The following TSPAN9 variants were observed in gnomAD, a reference collection of about 807,000 sequenced individuals.
TSPAN9 encodes tetraspanin 9.
In TSPAN9, 16 loss-of-function variants were observed where a neutral mutation model predicts 31.0. The ratio of observed to expected loss-of-function variants is 0.52; its 90% confidence interval spans 0.35 to 0.78. The LOEUF (loss-of-function observed/expected upper bound fraction) is 0.78. Ranked by LOEUF, TSPAN9 falls within the 30% of genes least tolerant of loss-of-function variation. The probability of loss-of-function intolerance (pLI) is 0.01; values close to 1 mark genes in which losing one functional copy is unlikely to be tolerated. For synonymous variants in TSPAN9, 145 were observed against 121.6 expected, an observed-to-expected ratio of 1.19 and a Z score of -1.27; for missense variants, 272 against 312.5, an observed-to-expected ratio of 0.87 and a Z score of 0.98.
intron 2 of TSPAN9, among the ~76,000 whole-genome samples, chr12:3,135,880 G>A (rs1445358362): frequency 6.6e-6 from 1 of 152,248 alleles, no homozygotes; most frequent in African/African-American, 2.4e-5. Context: ...TCTCAGCTCA[G>A]GTAGTCCCAG....
chr12:3,282,913 A>C (rs1191679567), intron 8 of TSPAN9, 132 bp from the exon 9 acceptor site: 1 of 790,682 alleles, frequency 1.3e-6, no homozygotes, highest in Non-Finnish European at 2.1e-6. Flanking sequence ...TCATTCCATA[A>C]GCATTTTCCT....
intron 3 of TSPAN9, chr12:3,215,425 G>A (rs1255743798): frequency 6.6e-6 from 1 of 152,212 alleles, no homozygotes. Flanking sequence ...GGGCTGCAAT[G>A]GGATGGTGAT....
chr12:3,241,115 T>C (rs371925638), intron 3 of TSPAN9, among the ~76,000 whole-genome samples: 13 of 152,342 alleles, frequency 8.5e-5, no homozygotes, highest in African/African-American at 2.4e-4. Context: ...GGCCCGTAAC[T>C]GCAGCTCTAA....
Position 3,148,909 on chromosome 12 carries a change from C to G in TSPAN9, c.-17-52268C>G, listed in dbSNP as rs554728344. Among the ~76,000 whole-genome samples, 3 of 152,140 alleles carry G rather than the reference C, an allele frequency of 2.0e-5. No individual in the cohort carries two copies. In the East Asian group the frequency reaches 5.8e-4, roughly 29 times the overall value. On this transcript the variant is annotated intron_variant, in intron 2 of 8. Transcript: ENST00000011898. Reference sequence around the variant, plus strand: ...GGGATGAGGAGAAGAGGGGGCCTCTCGGGCGTGCCTGGCCGAGGTAACTTT... The same window carrying G: ...GGGATGAGGAGAAGAGGGGGCCTCTGGGGCGTGCCTGGCCGAGGTAACTTT...
At chr12:3,193,059 CTG>C (rs1386679026) in intron 2 of TSPAN9, among the ~76,000 whole-genome samples, 2 of 152,120 alleles carry the variant, frequency 1.3e-5, no homozygotes, top group African/African-American at 2.4e-5. Context: ...GCTGAAGAAA[CTG>C]AGATATGGAG....
intron 3 of TSPAN9, among the ~76,000 whole-genome samples, chr12:3,244,584 C>T (rs1486865161): frequency 6.6e-6 from 1 of 152,200 alleles, no homozygotes; most frequent in African/African-American, 2.4e-5. Context: ...TCTCGAGCCA[C>T]CTCACGCCCC....
At chr12:3,213,136 A>G (rs2098379625) in intron 3 of TSPAN9, among the ~76,000 whole-genome samples, 1 of 152,218 alleles carries the variant, frequency 6.6e-6, no homozygotes, top group South Asian at 2.1e-4. Context: ...ACTTTGGATC[A>G]TGCGGGGAAG....
Position 3,238,486 on chromosome 12 carries a change from G to T in TSPAN9, c.63+37230G>T, listed in dbSNP as rs974266240. ...GAATGTCATTGAGTTTATTAGGTCC[G>T]GCTCCTTCTCCTTTGCTAGCTAGGA... On this transcript the variant is annotated intron_variant, in intron 3 of 8. Transcript: ENST00000011898. Among the ~76,000 whole-genome samples, 3 of 152,214 alleles carry T rather than the reference G, an allele frequency of 2.0e-5. No individual in the cohort carries two copies. The East Asian group carries it at 5.8e-4, about 29-fold the overall frequency.
intron 3 of TSPAN9, among the ~76,000 whole-genome samples, chr12:3,231,065 C>T (rs540181528): frequency 3.3e-5 from 5 of 152,250 alleles, no homozygotes; most frequent in South Asian, 2.1e-4. Context: ...GGTGCTTAGT[C>T]GAGAGAGTGC....
intron 2 of TSPAN9, among the ~76,000 whole-genome samples, chr12:3,091,044 A>T (rs1418443129): frequency 6.6e-6 from 1 of 152,148 alleles, no homozygotes; most frequent in Non-Finnish European, 1.5e-5. Flanking sequence ...TAGAAGTCAA[A>T]CCTTCCTGCC....
chr12:3,129,456 G>A (rs1331130874), intron 2 of TSPAN9, among the ~76,000 whole-genome samples: 1 of 152,216 alleles, frequency 6.6e-6, no homozygotes, highest in Admixed American at 6.5e-5. Flanking sequence ...CCTCCTGAGA[G>A]TCTGTTTCAG....
intron 3 of TSPAN9, among the ~76,000 whole-genome samples, chr12:3,233,382 G>A (rs556357568): frequency 9.9e-5 from 15 of 152,284 alleles, no homozygotes; most frequent in African/African-American, 2.9e-4. Flanking sequence ...GCCCTGCTCC[G>A]TCCCTGTCCC....
At chr12:3,190,376 C>G (rs1381656634) in intron 2 of TSPAN9, among the ~76,000 whole-genome samples, 1 of 152,244 alleles carries the variant, frequency 6.6e-6, no homozygotes, top group Admixed American at 6.5e-5. Context: ...ATCTCATCCT[C>G]CCCGCAGCCA....
chr12:3,225,064 A>G (rs1214009587), intron 3 of TSPAN9, among the ~76,000 whole-genome samples: 3 of 152,072 alleles, frequency 2.0e-5, no homozygotes, highest in Non-Finnish European at 2.9e-5. Flanking sequence ...GCGGTCAAAG[A>G]GCTGCCATTC....
intron 3 of TSPAN9, among the ~76,000 whole-genome samples, chr12:3,266,057 T>C (rs11610052): frequency 0.4 from 61,195 of 151,594 alleles, 14,515 homozygotes; most frequent in South Asian, 0.6. Context: ...TCACCAACAC[T>C]ACTTCTTCAT....
In TSPAN9 at chr12:3,168,385, C is replaced by CGGGTGCTGTAG. The variant is rs2098349797; in HGVS notation, c.-17-32783_-17-32773dup. The stretch of plus-strand genomic sequence containing the variant: ...AAATCTGTGCCTTCGCAATATGTTC[C>CGGGTGCTGTAG]GGGTGCTGTAGGGGTGCTGGGTGAA... On this transcript the variant is annotated intron_variant, in intron 2 of 8. Coordinates refer to ENST00000011898, the MANE Select transcript of TSPAN9 (RefSeq NM_006675.5). This position sits in a 1 kb window ranked among gnomAD's most constrained non-coding sequence, Gnocchi z 4.0. Among the ~76,000 whole-genome samples the CGGGTGCTGTAG allele has an allele frequency of 6.6e-6, 1 of 152,062 alleles. No individual in the cohort carries two copies. The highest frequency in any genetic ancestry group is 2.4e-5 in the African/African-American group (1 of 41,374).
intron 3 of TSPAN9, among the ~76,000 whole-genome samples, chr12:3,241,330 T>C (rs763237636): frequency 2.2e-4 from 34 of 152,220 alleles, no homozygotes; most frequent in Non-Finnish European, 4.4e-4. Context: ...GTTCACACTG[T>C]GGCGTGGCAT....
At chr12:3,104,702 C>T (rs2153964657) in intron 2 of TSPAN9, among the ~76,000 whole-genome samples, 1 of 152,268 alleles carries the variant, frequency 6.6e-6, no homozygotes. Context: ...TGGCTCGGTG[C>T]AGACTCTTTG....
intron 3 of TSPAN9, among the ~76,000 whole-genome samples, chr12:3,261,983 G>A (rs1265660117): frequency 2.0e-5 from 3 of 152,252 alleles, no homozygotes; most frequent in Non-Finnish European, 4.4e-5. Flanking sequence ...GGATTACATC[G>A]TTGGAGGTTT....
Sources: allele counts gnomAD v4.1 joint callset (sites outside exome capture counted in the v4.1 genomes callset), GRCh38; gene constraint gnomAD v4.1.1; non-coding constraint Gnocchi (gnomAD v3.1); transcripts MANE v1.5; gene names NCBI Gene and HGNC (gene_info 2026-07-23, HGNC 2026-07-21).